The following CDH13 variants were observed in gnomAD, a reference collection of about 807,000 sequenced individuals.
CDH13 encodes the protein cadherin-13.
Under a neutral mutation model 63.8 loss-of-function variants are expected in CDH13, and 24 were observed. The ratio of observed to expected loss-of-function variants is 0.38; its 90% confidence interval spans 0.27 to 0.53. The LOEUF is 0.53. Among genes scored for constraint, CDH13 ranks in the 20% least tolerant of loss-of-function variants. The pLI, the probability that CDH13 is intolerant of heterozygous loss-of-function variation, is 0.85. For missense variants in CDH13, 1,049 were observed against 903.1 expected (o/e 1.16, Z -2.07); for synonymous variants, 503 against 355.3 (o/e 1.42, Z -4.67).
intron 4 of CDH13, among the ~76,000 whole-genome samples, chr16:83,193,330 T>C (rs2038781242): frequency 6.6e-6 from 1 of 152,130 alleles, no homozygotes; most frequent in African/African-American, 2.4e-5. Flanking sequence ...AGAGGTTTAG[T>C]AATGTGTTCT....
intron 6 of CDH13, among the ~76,000 whole-genome samples, chr16:83,470,267 G>A (rs2073420996): frequency 6.6e-6 from 1 of 152,042 alleles, no homozygotes; most frequent in Non-Finnish European, 1.5e-5. Context: ...ATGTTGCCCA[G>A]GCTAGTCTCG....
At chr16:83,676,131 C>A (rs567499668) in intron 9 of CDH13, among the ~76,000 whole-genome samples, 3 of 152,196 alleles carry the variant, frequency 2.0e-5, no homozygotes, top group African/African-American at 7.2e-5. Flanking sequence ...AACCAGTTGT[C>A]CCCAGCCGAG....
At chr16:83,775,811 A>C (rs1383061504) in intron 11 of CDH13, among the ~76,000 whole-genome samples, 1 of 152,138 alleles carries the variant, frequency 6.6e-6, no homozygotes, top group Non-Finnish European at 1.5e-5. Context: ...CTTGGTTTTG[A>C]TTCTTGGTTA....
chr16:83,105,974 A>G (rs2034744197), intron 3 of CDH13, among the ~76,000 whole-genome samples: 1 of 152,258 alleles, frequency 6.6e-6, no homozygotes, highest in Admixed American at 6.5e-5. Context: ...TGGGACCACA[A>G]AAGTTGTGAT....
chr16:83,422,543 C>A (rs138219603), intron 6 of CDH13, among the ~76,000 whole-genome samples: 2 of 152,128 alleles, frequency 1.3e-5, no homozygotes, highest in African/African-American at 2.4e-5. Flanking sequence ...TTAATACTTA[C>A]GATAAATGTC....
chr16:83,373,250 G>A (rs907683128), intron 6 of CDH13, among the ~76,000 whole-genome samples: 5 of 152,198 alleles, frequency 3.3e-5, no homozygotes, highest in African/African-American at 1.2e-4. Flanking sequence ...AAAGGGCCTA[G>A]TTACAAAGGG....
intron 10 of CDH13, among the ~76,000 whole-genome samples, chr16:83,684,721 T>C (rs976816625): frequency 6.6e-6 from 1 of 152,234 alleles, no homozygotes; most frequent in Admixed American, 6.5e-5. Flanking sequence ...TTCCTACCCA[T>C]GTAAAATTTC....
chr16:82,653,034 TA>T (rs1191561879), intron 1 of CDH13, among the ~76,000 whole-genome samples: 1 of 152,256 alleles, frequency 6.6e-6, no homozygotes, highest in Non-Finnish European at 1.5e-5. Context: ...CAGGATGTTG[TA>T]ATTCAGAAGG....
intron 2 of CDH13, among the ~76,000 whole-genome samples, chr16:82,901,403 G>T (rs1014359959): frequency 3.3e-5 from 5 of 151,062 alleles, no homozygotes; most frequent in African/African-American, 1.2e-4. Flanking sequence ...TAGGGTGCAG[G>T]GATGAGGGCA....
At chr16:83,698,614 G>A (rs940546841) in intron 10 of CDH13, among the ~76,000 whole-genome samples, 2 of 152,202 alleles carry the variant, frequency 1.3e-5, no homozygotes, top group Non-Finnish European at 2.9e-5. Context: ...TCACACAGGC[G>A]GTATGAGGAG....
chr16:83,384,013 C>T (rs370770065), intron 6 of CDH13, among the ~76,000 whole-genome samples: 5 of 152,288 alleles, frequency 3.3e-5, no homozygotes, highest in East Asian at 3.9e-4. Context: ...CATATATACA[C>T]ATGGGTACAT....
chr16:82,971,592 TA>T (rs1373821720), intron 2 of CDH13, among the ~76,000 whole-genome samples: 8 of 152,146 alleles, frequency 5.3e-5, no homozygotes, highest in Non-Finnish European at 1.2e-4. Flanking sequence ...GTTGTTTCTA[TA>T]AGGTGTTCAA....
chr16:83,671,180 T>C (rs1033252310), intron 9 of CDH13, among the ~76,000 whole-genome samples: 8 of 152,208 alleles, frequency 5.3e-5, no homozygotes, highest in Non-Finnish European at 1.2e-4. Flanking sequence ...AAACCTGTTT[T>C]ATAGGTTCTA....
intron 6 of CDH13, among the ~76,000 whole-genome samples, chr16:83,385,311 AG>A (rs2151422276): frequency 6.6e-6 from 1 of 152,354 alleles, no homozygotes; most frequent in African/African-American, 2.4e-5. Flanking sequence ...TAGGCAGCTA[AG>A]GCATATTATG....
intron 8 of CDH13, among the ~76,000 whole-genome samples, chr16:83,636,341 G>A (rs368224023): frequency 2.6e-5 from 4 of 152,120 alleles, no homozygotes; most frequent in Non-Finnish European, 5.9e-5. Context: ...AGGAATACAT[G>A]TGCAGGTTTG....
chr16:83,134,041 C>A (rs1023740512), intron 4 of CDH13, among the ~76,000 whole-genome samples: 7 of 152,064 alleles, frequency 4.6e-5, no homozygotes, highest in African/African-American at 9.7e-5. Context: ...GTGATCATAG[C>A]CTGCTTTGTT....
At chr16:83,533,184 G>T (rs747516773) in intron 7 of CDH13, among the ~76,000 whole-genome samples, 1 of 152,202 alleles carries the variant, frequency 6.6e-6, no homozygotes, top group African/African-American at 2.4e-5. Context: ...GATGCCAGCA[G>T]CTGGTGTCAC....
chr16:83,434,764 C>A (rs2072234564), intron 6 of CDH13, among the ~76,000 whole-genome samples: 1 of 150,970 alleles, frequency 6.6e-6, no homozygotes. Context: ...TCGCCCTAAC[C>A]AAGGATATGC....
At chr16:83,317,802 GAAAA>G (rs746277121) in intron 5 of CDH13, among the ~76,000 whole-genome samples, 1 of 133,016 alleles carries the variant, frequency 7.5e-6, no homozygotes, top group East Asian at 2.1e-4. Context: ...TCTGTCTCAA[GAAAA>G]AAAAAAAAAG....
Sources: gnomAD v4.1 joint callset for allele counts (sites outside exome capture counted in the v4.1 genomes callset) on GRCh38, gnomAD v4.1.1 for gene constraint, MANE v1.5 for transcripts, NCBI Gene and HGNC (gene_info 2026-07-23, HGNC 2026-07-21) for gene names.